Variants in DUSP22 observed in about 807,000 individuals in gnomAD.
The protein encoded by DUSP22 is dual specificity protein phosphatase 22.
In DUSP22, 24 loss-of-function variants were observed where a neutral mutation model predicts 24.5. That is an observed-to-expected ratio of 0.98 (90% CI 0.71 to 1.38). The LOEUF is 1.38. Among genes scored for constraint, DUSP22 ranks in the 40% most tolerant of loss-of-function variants. DUSP22 has a pLI of 0.00. For missense variants in DUSP22, 330 were observed against 269.2 expected (o/e 1.23, Z -1.58); for synonymous variants, 160 against 106.4 (o/e 1.50, Z -3.10).
chr6:317,815 C>A (rs539319468), intron 3 of DUSP22, among the ~76,000 whole-genome samples: 2 of 152,302 alleles, frequency 1.3e-5, no homozygotes, highest in Non-Finnish European at 2.9e-5. Context: ...TGATGAAAGG[C>A]GAGATTTGCA....
chr6:342,800 C>T (rs955473718), intron 4 of DUSP22, among the ~76,000 whole-genome samples: 9 of 152,302 alleles, frequency 5.9e-5, no homozygotes, highest in Non-Finnish European at 1.2e-4. Flanking sequence ...GAAGTCCCTA[C>T]CCACAGCCTT....
intron 3 of DUSP22, among the ~76,000 whole-genome samples, chr6:328,634 T>G (rs1758999377): frequency 6.6e-6 from 1 of 152,304 alleles, no homozygotes; most frequent in African/African-American, 2.4e-5. Context: ...TTATTTGTAG[T>G]ACGGTTTCCT....
At chr6:307,137 C>T (rs969321184) in intron 2 of DUSP22, among the ~76,000 whole-genome samples, 1 of 152,302 alleles carries the variant, frequency 6.6e-6, no homozygotes, top group Admixed American at 6.5e-5. Context: ...GTCATCTGTG[C>T]TCTTGCCTGG....
intron 1 of DUSP22, among the ~76,000 whole-genome samples, chr6:302,079 A>G (rs1024553826): frequency 6.6e-6 from 1 of 152,306 alleles, no homozygotes; most frequent in Admixed American, 6.5e-5. Flanking sequence ...CTGGAGTGTC[A>G]GATGGCGGAG....
intron 3 of DUSP22, among the ~76,000 whole-genome samples, chr6:321,367 T>A (rs1361687429): frequency 1.3e-5 from 2 of 152,304 alleles, no homozygotes; most frequent in Non-Finnish European, 2.9e-5. Flanking sequence ...CAAAGATTCA[T>A]GAACAAAGCC....
At chr6:331,591 G>A (rs888796166) in intron 3 of DUSP22, among the ~76,000 whole-genome samples, 33 of 152,406 alleles carry the variant, frequency 2.2e-4, no homozygotes, top group South Asian at 6.2e-4. Flanking sequence ...AACATTTGCA[G>A]AACTTATTCA....
At chr6:336,187 C>T (rs574486546) in intron 4 of DUSP22, among the ~76,000 whole-genome samples, 182 of 152,354 alleles carry the variant, frequency 1.2e-3, no homozygotes, top group African/African-American at 4.2e-3. Context: ...CTTAGCATCC[C>T]ATGCCACTGA....
At chr6:323,640 C>T (rs1758711158) in intron 3 of DUSP22, among the ~76,000 whole-genome samples, 1 of 152,306 alleles carries the variant, frequency 6.6e-6, no homozygotes, top group South Asian at 2.1e-4. Flanking sequence ...GTCCCTTTGC[C>T]ATCTTAGGAT....
chr6:335,659 G>T (rs1473496560), intron 4 of DUSP22, among the ~76,000 whole-genome samples: 2 of 152,304 alleles, frequency 1.3e-5, no homozygotes, highest in African/African-American at 4.8e-5. Flanking sequence ...ATTTTGATAT[G>T]TACTCAATAT....
chr6:341,203 G>A (rs966056492), intron 4 of DUSP22, among the ~76,000 whole-genome samples: 21 of 152,416 alleles, frequency 1.4e-4, no homozygotes, highest in African/African-American at 3.6e-4. Context: ...GTGCTTCCTT[G>A]TGCAGCATTC....
At chr6:334,352 A>G (rs902465264) in intron 3 of DUSP22, among the ~76,000 whole-genome samples, 1 of 152,308 alleles carries the variant, frequency 6.6e-6, no homozygotes, top group Non-Finnish European at 1.5e-5. Flanking sequence ...TTTCTACTTG[A>G]CAGAGCTTTT....
At position 348,026 on chromosome 6, in the gene DUSP22, C is replaced by T. The variant is rs1273183246; in HGVS notation, c.264-77C>T. 3.8e-6 allele frequency: 6 copies of T among 1,583,714 alleles called. No individual in the cohort carries two copies. In the East Asian group the frequency reaches 1.3e-4, roughly 35 times the overall value. ...TTTCTGAACAAGGTCCTTAGAGTCC[C>T]CCGCTCCACATGGATTGGGCGATGA... On this transcript the variant is annotated intron_variant, in intron 5 of 6. Transcript: ENST00000419235.
intron 4 of DUSP22, among the ~76,000 whole-genome samples, chr6:339,923 C>T (rs534548477): frequency 3.9e-5 from 6 of 152,300 alleles, no homozygotes; most frequent in Admixed American, 3.3e-4. Flanking sequence ...TGCTTCCAGA[C>T]AGTTCCTGAG....
At chr6:312,041 C>T in intron 3 of DUSP22, 79 bp downstream of exon 3, 3 of 1,435,152 alleles carry the variant, frequency 2.1e-6, no homozygotes, top group Non-Finnish European at 2.9e-6. Flanking sequence ...ATGAAGGCAA[C>T]CAGGTTCTCT....
intron 4 of DUSP22, among the ~76,000 whole-genome samples, chr6:341,970 A>G (rs534149699): frequency 8.7e-4 from 51 of 58,654 alleles, no homozygotes; most frequent in Non-Finnish European, 1.2e-3. Flanking sequence ...CACAATATGT[A>G]AGAAGCCCGG....
intron 3 of DUSP22, among the ~76,000 whole-genome samples, chr6:322,815 GTTATGGCTGC>G (rs1758662641): frequency 6.8e-6 from 1 of 146,010 alleles, no homozygotes; most frequent in Admixed American, 7.0e-5. Context: ...GATTCCGTGG[GTTATGGCTGC>G]TTGGTGGGGC....
chr6:323,123 C>T (rs1311032065), intron 3 of DUSP22, among the ~76,000 whole-genome samples: 1 of 152,306 alleles, frequency 6.6e-6, no homozygotes, highest in African/African-American at 2.4e-5. Context: ...GAAGCAATAG[C>T]ACCTAGCTAG....
At position 304,646 on chromosome 6, in the gene DUSP22, A is replaced by G. The variant is rs201434867; in HGVS notation, c.40A>G (p.Ile14Val). 4.1e-5 allele frequency: 66 copies of G among 1,614,192 alleles called. No individual in the cohort carries two copies. In the East Asian group the frequency reaches 1.3e-3, roughly 33 times the overall value. ...GMNKILPGLY[I>V]GNFKDARDAE... ...CTCCTAGATCCTGCCCGGCCTGTAC[A>G]TCGGCAACTTCAAAGGTGAGTTCTT... Residue 14 changes from isoleucine to valine, a missense_variant, in exon 2 of 7, where the codon ATC becomes GTC. By Grantham distance (29) the Ile-to-Val change is conservative. Coordinates refer to ENST00000419235, the MANE Select transcript of DUSP22 (RefSeq NM_001286555.3).
intron 1 of DUSP22, among the ~76,000 whole-genome samples, chr6:292,947 C>G (rs985125059): frequency 6.6e-6 from 1 of 152,302 alleles, no homozygotes; most frequent in African/African-American, 2.4e-5. Context: ...CACCGCCCCC[C>G]CCACATCATT....
Sources: allele counts gnomAD v4.1 joint callset (sites outside exome capture counted in the v4.1 genomes callset), GRCh38; gene constraint gnomAD v4.1.1; transcripts MANE v1.5; gene names NCBI Gene and HGNC (gene_info 2026-07-23, HGNC 2026-07-21).